NOL10: variants seen among roughly 807,000 people sequenced by gnomAD.
NOL10 encodes the protein H_NH0074G24.1.
Under a neutral mutation model 103.5 loss-of-function variants are expected in NOL10, and 58 were observed. The ratio of observed to expected loss-of-function variants is 0.56; its 90% CI spans 0.45 to 0.70. The LOEUF (loss-of-function observed/expected upper bound fraction) is 0.70, where lower values mean the gene tolerates loss of function less well. NOL10 is among the 30% of genes least tolerant of loss of function. The pLI is 0.00. For synonymous variants in NOL10, 287 were observed against 282.5 expected (o/e 1.02, Z -0.16); for missense variants, 763 against 807.3 (o/e 0.95, Z 0.67).
chr2:10,571,277 T>G lies in NOL10; in HGVS notation c.*794A>C, dbSNP rs1674162588. Reference sequence around the variant, plus strand: ...CATCTGCCCCTTTGCCCTCCTCCTCTGGCTCTAGCCACGCAGGACATACCT... The same window carrying G: ...CATCTGCCCCTTTGCCCTCCTCCTCGGGCTCTAGCCACGCAGGACATACCT... On this transcript the variant is annotated 3_prime_UTR_variant, in exon 21 of 21. Transcript: ENST00000381685. 6.6e-6 allele frequency: 1 copy of G among 152,402 alleles called. No homozygotes were observed. Among genetic ancestry groups the G allele is most frequent in the African/African-American group, 2.4e-5 (1 of 41,454 alleles). The allele number at this position is 152,402 out of a possible 1,614,324, so 9.4% of individuals were successfully genotyped here.
intron 20 of NOL10, among the ~76,000 whole-genome samples, chr2:10,573,238 G>A (rs1674275516): frequency 6.6e-6 from 1 of 152,054 alleles, no homozygotes; most frequent in Admixed American, 6.6e-5. Context: ...TCTGTTGCCA[G>A]GCTGGAGTGC....
At chr2:10,615,976 G>C (rs369942617) in intron 13 of NOL10, among the ~76,000 whole-genome samples, 4 of 152,124 alleles carry the variant, frequency 2.6e-5, no homozygotes, top group African/African-American at 9.7e-5. Flanking sequence ...TGGCAGTCTA[G>C]ACATCAAACT....
intron 13 of NOL10, among the ~76,000 whole-genome samples, chr2:10,610,348 G>A (rs993165594): frequency 2.0e-5 from 3 of 152,158 alleles, no homozygotes; most frequent in African/African-American, 7.2e-5. Flanking sequence ...CATTCTTTCT[G>A]ATTATCTAGA....
chr2:10,686,290 C>A (rs1682195889), intron 1 of NOL10, among the ~76,000 whole-genome samples: 2 of 152,070 alleles, frequency 1.3e-5, no homozygotes, highest in African/African-American at 4.8e-5. Context: ...GGAGGCAAAG[C>A]CTGGAGAACA....
At chr2:10,593,349 G>A (rs1315913097) in intron 17 of NOL10, among the ~76,000 whole-genome samples, 1 of 152,058 alleles carries the variant, frequency 6.6e-6, no homozygotes, top group African/African-American at 2.4e-5. Context: ...CAGTTGGTCA[G>A]GCTGGTCTCA....
intron 19 of NOL10, among the ~76,000 whole-genome samples, chr2:10,579,351 A>G (rs1674632161): frequency 6.6e-6 from 1 of 152,178 alleles, no homozygotes; most frequent in Non-Finnish European, 1.5e-5. Flanking sequence ...TATAGATGGC[A>G]AAAAAGGGAG....
chr2:10,616,327 CTT>C (rs1676834841), intron 13 of NOL10, among the ~76,000 whole-genome samples: 1 of 144,758 alleles, frequency 6.9e-6, no homozygotes, highest in Non-Finnish European at 1.5e-5. Flanking sequence ...CTCCTGGATT[CTT>C]GTGCCTCAGC....
chr2:10,589,259 C>T lies in NOL10; in HGVS notation c.1628G>A (p.Ser543Asn), dbSNP rs1398146782. The change falls in exon 19 of 21, where the codon AGT becomes AAT. Residue 543 changes from serine (S) to asparagine (N), a missense_variant. Physicochemically the swap from Ser to Asn is conservative, Grantham distance 46. Transcript: ENST00000381685. ...EEEEEPEGKP[S>N]DAESSESSDD... ...TGAACTCTCCGAACTTTCTGCATCACTTGGTTTTCCTTCCGGCTCTTCCTC... is the reference window on the plus strand; with the variant it reads ...TGAACTCTCCGAACTTTCTGCATCATTTGGTTTTCCTTCCGGCTCTTCCTC... 2 of 1,613,732 alleles carry T rather than the reference C, an allele frequency of 1.2e-6. No homozygotes were observed. Among genetic ancestry groups the T allele is most frequent in the Non-Finnish European group, 1.7e-6 (2 of 1,179,876 alleles).
intron 9 of NOL10, 92 bp downstream of exon 9, chr2:10,662,867 T>C: frequency 2.1e-6 from 2 of 954,198 alleles, no homozygotes; most frequent in Non-Finnish European, 3.2e-6. Context: ...CAATTTCAGA[T>C]ATCCTGTAGC....
chr2:10,618,417 C>CTTATT (rs1223719096), intron 13 of NOL10, among the ~76,000 whole-genome samples: 1 of 152,104 alleles, frequency 6.6e-6, no homozygotes, highest in Non-Finnish European at 1.5e-5. Flanking sequence ...GATCACTGCT[C>CTTATT]ATAATCAGAT....
At chr2:10,629,433 C>A (rs995972306) in intron 13 of NOL10, among the ~76,000 whole-genome samples, 1 of 151,304 alleles carries the variant, frequency 6.6e-6, no homozygotes, top group Non-Finnish European at 1.5e-5. Flanking sequence ...GGAAAAAAAA[C>A]AAGATAAGAA....
At chr2:10,595,600 TTTTGTTTG>T (rs869025802) in intron 17 of NOL10, among the ~76,000 whole-genome samples, 5 of 137,332 alleles carry the variant, frequency 3.6e-5, no homozygotes, top group Admixed American at 7.0e-5. Flanking sequence ...TTTGTTTTGT[TTTTGTTTG>T]TTTGTTTGTT....
At chr2:10,584,627 A>G (rs939062089) in intron 19 of NOL10, among the ~76,000 whole-genome samples, 1 of 152,166 alleles carries the variant, frequency 6.6e-6, no homozygotes, top group African/African-American at 2.4e-5. Context: ...GAGTCACTTT[A>G]GTTCTCTGAA....
intron 10 of NOL10, among the ~76,000 whole-genome samples, chr2:10,658,221 A>G (rs1439977829): frequency 2.0e-5 from 3 of 152,230 alleles, no homozygotes; most frequent in African/African-American, 7.2e-5. Flanking sequence ...TCATAGCAAC[A>G]GATATAAACA....
chr2:10,584,031 C>A (rs1044171282), intron 19 of NOL10, among the ~76,000 whole-genome samples: 1 of 152,216 alleles, frequency 6.6e-6, no homozygotes, highest in African/African-American at 2.4e-5. Flanking sequence ...CCTTCAGGCA[C>A]CCCATGCTCT....
chr2:10,621,422 CATCTCTATAA>C, intron 13 of NOL10, among the ~76,000 whole-genome samples: 1 of 152,128 alleles, frequency 6.6e-6, no homozygotes, highest in South Asian at 2.1e-4. Context: ...GGTGAGACTC[CATCTCTATAA>C]AACATACGAA....
intron 13 of NOL10, among the ~76,000 whole-genome samples, chr2:10,636,598 C>A (rs1437190953): frequency 1.5e-5 from 2 of 134,038 alleles, no homozygotes; most frequent in Admixed American, 7.6e-5. Context: ...AGACAGAGTG[C>A]GACCTTCAAT....
chr2:10,608,516 A>G (rs1676378337), intron 13 of NOL10, among the ~76,000 whole-genome samples: 1 of 93,224 alleles, frequency 1.1e-5, no homozygotes, highest in South Asian at 2.7e-4. Flanking sequence ...CCCTTAAGCT[A>G]GAGGTAATGA....
intron 17 of NOL10, among the ~76,000 whole-genome samples, chr2:10,599,276 C>CTCTATCTACT (rs1411936947): frequency 1.3e-5 from 2 of 152,244 alleles, no homozygotes; most frequent in African/African-American, 4.8e-5. Flanking sequence ...TAGCTCTACT[C>CTCTATCTACT]TCTATCTACT....
Sources: gnomAD v4.1 joint callset for allele counts (sites outside exome capture counted in the v4.1 genomes callset) on GRCh38, gnomAD v4.1.1 for gene constraint, MANE v1.5 for transcripts, NCBI Gene and HGNC (gene_info 2026-07-23, HGNC 2026-07-21) for gene names.